BICDL1: variants seen among roughly 807,000 people sequenced by gnomAD.
BICDL1 encodes the protein BICD family like cargo adaptor 1, also known as BICD family-like cargo adapter 1.
In BICDL1, 20 loss-of-function variants were observed where a neutral mutation model predicts 76.8. The observed-to-expected ratio is 0.26, with a 90% CI of 0.18 to 0.38. The LOEUF (loss-of-function observed/expected upper bound fraction) is 0.38. Among genes scored for constraint, BICDL1 ranks in the 10% least tolerant of loss-of-function variants. BICDL1 has a pLI of 1.00. For missense variants in BICDL1, 700 were observed against 798.6 expected (o/e 0.88, Z 1.49); for synonymous variants, 383 against 337.1 (o/e 1.14, Z -1.49).
intron 4 of BICDL1, among the ~76,000 whole-genome samples, chr12:120,068,890 G>T (rs956948229): frequency 6.6e-6 from 1 of 152,182 alleles, no homozygotes; most frequent in African/African-American, 2.4e-5. Context: ...GTACCCTATT[G>T]TGAACTGCAC....
chr12:120,029,115 C>T (rs746182603), intron 2 of BICDL1, among the ~76,000 whole-genome samples: 3 of 152,290 alleles, frequency 2.0e-5, no homozygotes, highest in Non-Finnish European at 2.9e-5. Context: ...GCTGAGGGTG[C>T]AGGGCCTTTA....
intron 9 of BICDL1, chr12:120,091,780 C>T (rs1349450472): frequency 1.0e-6 from 1 of 985,370 alleles, no homozygotes; most frequent in Non-Finnish European, 1.2e-6. Context: ...ATTAGAATGA[C>T]ACCCATGGGT....
At chr12:120,091,732 G>T in intron 9 of BICDL1, 10 of 985,394 alleles carry the variant, frequency 1.0e-5, no homozygotes, top group Non-Finnish European at 1.1e-5. Context: ...CGATGACTCA[G>T]GAAGGCCCCT....
At chr12:120,090,477 CTCA>C (rs1874860189) in intron 9 of BICDL1, among the ~76,000 whole-genome samples, 1 of 152,204 alleles carries the variant, frequency 6.6e-6, no homozygotes, top group African/African-American at 2.4e-5. Context: ...CCTTCCCCTT[CTCA>C]AGGGCCAGCC....
chr12:120,090,309 C>G (rs996901706), intron 9 of BICDL1: 1 of 457,444 alleles, frequency 2.2e-6, no homozygotes, highest in Non-Finnish European at 3.8e-6. Context: ...GTAGTGATCT[C>G]CAGACTTGGA....
intron 2 of BICDL1, among the ~76,000 whole-genome samples, chr12:120,002,877 C>A (rs1042370466): frequency 1.3e-5 from 2 of 152,058 alleles, no homozygotes; most frequent in African/African-American, 4.8e-5. Flanking sequence ...GGTAGGGGGC[C>A]GGGTCATGGT....
At chr12:120,060,930 T>G (rs1390533724) in intron 2 of BICDL1, among the ~76,000 whole-genome samples, 4 of 152,100 alleles carry the variant, frequency 2.6e-5, no homozygotes, top group Non-Finnish European at 5.9e-5. Flanking sequence ...CCATTTGGCC[T>G]CAAAAAAGCA....
In BICDL1 at chr12:119,996,685, C is replaced by T. The variant is rs201565969; in HGVS notation, c.430-1836C>T. Among the ~76,000 whole-genome samples, 4 of 71,020 alleles carry T rather than the reference C, an allele frequency of 5.6e-5. No homozygotes were observed. In the African/African-American group the frequency reaches 7.8e-4, roughly 14 times the overall value. 46.6% of individuals were successfully genotyped at this position (71,020 alleles called of 152,430 possible). Reference sequence around the variant, plus strand: ...CAGTATATATACATATACAGATACACACACACACACACACACACGCATAGA... The same window carrying T: ...CAGTATATATACATATACAGATACATACACACACACACACACACGCATAGA... On this transcript the variant is annotated intron_variant, in intron 1 of 9. Transcript: ENST00000548673.
At chr12:120,022,488 T>G (rs544900958) in intron 2 of BICDL1, among the ~76,000 whole-genome samples, 1 of 147,042 alleles carries the variant, frequency 6.8e-6, no homozygotes, top group East Asian at 1.9e-4. Context: ...TTATATATTT[T>G]TGTGTATATA....
At chr12:120,002,043 T>G (rs533774834) in intron 2 of BICDL1, among the ~76,000 whole-genome samples, 1 of 151,974 alleles carries the variant, frequency 6.6e-6, no homozygotes, top group Non-Finnish European at 1.5e-5. Flanking sequence ...TAAAAAAAAA[T>G]TTTTTTAAGT....
At chr12:120,027,269 G>T (rs1187240820) in intron 2 of BICDL1, among the ~76,000 whole-genome samples, 1 of 151,778 alleles carries the variant, frequency 6.6e-6, no homozygotes, top group African/African-American at 2.4e-5. Flanking sequence ...TGATCCGCCT[G>T]CCTTGACCTC....
At chr12:120,091,060 C>A (rs1293379437) in intron 9 of BICDL1, 2 of 1,288,406 alleles carry the variant, frequency 1.6e-6, no homozygotes, top group Non-Finnish European at 2.0e-6. Context: ...TCTCGCCCTG[C>A]CATTGCTGTG....
At chr12:120,091,630 T>C (rs1874980010) in intron 9 of BICDL1, 1 of 984,976 alleles carries the variant, frequency 1.0e-6, no homozygotes, top group South Asian at 4.7e-5. Context: ...AGGAATGAGC[T>C]GAGTCTGAAA....
At chr12:120,072,042 T>G (rs1232389851) in intron 5 of BICDL1, among the ~76,000 whole-genome samples, 1 of 152,232 alleles carries the variant, frequency 6.6e-6, no homozygotes, top group African/African-American at 2.4e-5. Flanking sequence ...CAGAGTATCA[T>G]AGGCACAGCC....
At chr12:120,034,596 T>C (rs1594144963) in intron 2 of BICDL1, among the ~76,000 whole-genome samples, 3 of 152,216 alleles carry the variant, frequency 2.0e-5, no homozygotes, top group African/African-American at 7.2e-5. Context: ...GTCAGCTAAC[T>C]ATTATCTCAC....
chr12:120,073,286 T>A (rs1214481377), intron 6 of BICDL1, among the ~76,000 whole-genome samples: 1 of 152,206 alleles, frequency 6.6e-6, no homozygotes, highest in African/African-American at 2.4e-5. Flanking sequence ...AGCCTTTTTC[T>A]CCAGGTAGTG....
chr12:119,989,861 C>G lies in BICDL1; in HGVS notation c.-8C>G. On this transcript the variant is annotated 5_prime_UTR_variant, in exon 1 of 10. Transcript: ENST00000548673. ...GCCGCACCGCTGCGGGCTCCGCGCGCGCGGGCCATGTCCGCTTTCTGCCTG... is the reference window on the plus strand; with the variant it reads ...GCCGCACCGCTGCGGGCTCCGCGCGGGCGGGCCATGTCCGCTTTCTGCCTG... 2 of 1,345,884 alleles carry G rather than the reference C, an allele frequency of 1.5e-6. No individual in the cohort carries two copies. The highest frequency in any genetic ancestry group is 1.9e-6 in the Non-Finnish European group (2 of 1,060,150). 83.4% of individuals were successfully genotyped at this position (1,345,884 alleles called of 1,614,324 possible). A position where few individuals can be genotyped will look rare whatever the true frequency, so the allele number is the denominator to read the frequency against.
At chr12:120,090,896 C>T (rs1459888543) in intron 9 of BICDL1, 2 of 1,288,876 alleles carry the variant, frequency 1.6e-6, no homozygotes, top group African/African-American at 1.5e-5. Context: ...TCTCTCTCTT[C>T]TCTCCCGGCT....
At chr12:120,090,993 T>C (rs1359630841) in intron 9 of BICDL1, 1 of 1,288,930 alleles carries the variant, frequency 7.8e-7, no homozygotes, top group Non-Finnish European at 1.0e-6. Flanking sequence ...TCAACAGCTT[T>C]AGTTGTACAC....
Sources: allele counts gnomAD v4.1 joint callset (sites outside exome capture counted in the v4.1 genomes callset), GRCh38; gene constraint gnomAD v4.1.1; transcripts MANE v1.5; gene names NCBI Gene and HGNC (gene_info 2026-07-23, HGNC 2026-07-21).